EPHA6: variants seen among roughly 807,000 people sequenced by gnomAD.
The protein encoded by EPHA6 is EPH receptor A6.
In EPHA6, 50 loss-of-function variants were observed where a neutral mutation model predicts 112.0. The observed-to-expected ratio is 0.45, with a 90% confidence interval of 0.36 to 0.56. EPHA6 has a LOEUF of 0.56. EPHA6 is among the 20% of genes least tolerant of loss of function. The pLI, the probability that EPHA6 is intolerant of heterozygous loss-of-function variation, is 0.00. For synonymous variants in EPHA6, 529 were observed against 490.7 expected (o/e 1.08, Z -1.03); for missense variants, 1,280 against 1,417.4 (o/e 0.90, Z 1.56).
chr3:97,490,694 A>C (rs62262777), intron 10 of EPHA6, among the ~76,000 whole-genome samples: 7,199 of 152,284 alleles, frequency 0.047, 217 homozygotes, highest in Admixed American at 0.077. Flanking sequence ...TTTAGCCCTT[A>C]TATTTCTAGA....
At chr3:96,830,122 A>AT (rs1193601810) in intron 1 of EPHA6, among the ~76,000 whole-genome samples, 1 of 151,974 alleles carries the variant, frequency 6.6e-6, no homozygotes, top group Non-Finnish European at 1.5e-5. Context: ...GTACATTTTT[A>AT]TTTTTTCTAC....
chr3:97,110,320 C>T (rs966224009), intron 3 of EPHA6, among the ~76,000 whole-genome samples: 3 of 152,028 alleles, frequency 2.0e-5, no homozygotes, highest in Non-Finnish European at 4.4e-5. Context: ...GGTACCAGCC[C>T]AGAGTCGTAC....
At position 97,758,113 on chromosome 3, in the gene EPHA6, G is replaced by C. The variant is rs1462859935; in HGVS notation, c.*9412G>C. ...CTTCTCACTACTTACTGCTTATTCAGTTTGTAAAATCTTACCAAGTAGGAT... is the reference window on the plus strand; with the variant it reads ...CTTCTCACTACTTACTGCTTATTCACTTTGTAAAATCTTACCAAGTAGGAT... On this transcript the variant is annotated 3_prime_UTR_variant, in exon 18 of 18. Transcript: ENST00000389672. 2.6e-5 allele frequency among the ~76,000 whole-genome samples: 4 copies of C among 151,828 alleles called. No homozygotes were observed. The highest frequency in any genetic ancestry group is 7.3e-5 in the African/African-American group (3 of 41,370).
intron 3 of EPHA6, chr3:96,994,175 T>C (rs1356518899): frequency 2.7e-6 from 1 of 373,920 alleles, no homozygotes; most frequent in African/African-American, 2.0e-5. Context: ...AGAAAGATTA[T>C]ATTAAGCATG....
chr3:96,924,611 T>A (rs1318905223), intron 2 of EPHA6, among the ~76,000 whole-genome samples: 2 of 152,046 alleles, frequency 1.3e-5, no homozygotes, highest in African/African-American at 4.8e-5. Context: ...CGACTTCCTC[T>A]CTGAATACCC....
At chr3:96,884,107 T>C (rs1310669264) in intron 2 of EPHA6, among the ~76,000 whole-genome samples, 1 of 152,206 alleles carries the variant, frequency 6.6e-6, no homozygotes, top group Admixed American at 6.5e-5. Flanking sequence ...TACTATGCTG[T>C]TTTGGTGACT....
At chr3:97,245,567 C>A (rs2078964788) in intron 5 of EPHA6, among the ~76,000 whole-genome samples, 2 of 151,874 alleles carry the variant, frequency 1.3e-5, no homozygotes, top group Non-Finnish European at 2.9e-5. Context: ...TGATAATACT[C>A]AGCAATAAAA....
chr3:97,054,230 G>A (rs1337263259), intron 3 of EPHA6, among the ~76,000 whole-genome samples: 1 of 151,700 alleles, frequency 6.6e-6, no homozygotes, highest in African/African-American at 2.4e-5. Context: ...TCCCTAAAAA[G>A]AGATAGTTTA....
At chr3:97,134,217 T>C (rs2075712841) in intron 3 of EPHA6, among the ~76,000 whole-genome samples, 1 of 152,126 alleles carries the variant, frequency 6.6e-6, no homozygotes, top group Admixed American at 6.6e-5. Context: ...ATAGCAACTC[T>C]TTCAATATAC....
intron 2 of EPHA6, among the ~76,000 whole-genome samples, chr3:96,896,894 C>T (rs2038300470): frequency 6.6e-6 from 1 of 152,200 alleles, no homozygotes; most frequent in Non-Finnish European, 1.5e-5. Flanking sequence ...TTAGAAACTT[C>T]TGCCCTTAAT....
At chr3:97,554,416 G>A (rs2093073042) in intron 11 of EPHA6, among the ~76,000 whole-genome samples, 1 of 151,990 alleles carries the variant, frequency 6.6e-6, no homozygotes, top group Non-Finnish European at 1.5e-5. Flanking sequence ...CAAGTTAGTT[G>A]CAATTTTTTT....
Position 97,597,279 on chromosome 3 carries a change from T to C in EPHA6, c.2512+4542T>C, listed in dbSNP as rs151070876. ...TGTATAATACCTCTTTTGACATTTT[T>C]ACCTGAGCTTCTCTCCATTCTATGA... is the stretch of plus-strand genomic sequence containing the variant. On this transcript the variant is annotated intron_variant, in intron 12 of 17. Transcript: ENST00000389672. 5.3e-3 allele frequency among the ~76,000 whole-genome samples: 807 copies of C among 152,266 alleles called. 10 individuals carry two copies. Among genetic ancestry groups the C allele is most frequent in the African/African-American group, 0.017 (719 of 41,564 alleles).
At chr3:96,949,245 C>T (rs567217212) in intron 2 of EPHA6, among the ~76,000 whole-genome samples, 99 of 152,026 alleles carry the variant, frequency 6.5e-4, no homozygotes, top group African/African-American at 2.3e-3. Flanking sequence ...CAAAATTTAA[C>T]TTAAATCTTA....
intron 3 of EPHA6, among the ~76,000 whole-genome samples, chr3:97,155,297 T>C (rs1273779095): frequency 2.0e-5 from 3 of 152,170 alleles, no homozygotes; most frequent in African/African-American, 7.2e-5. Context: ...GATTCTGTTC[T>C]TTTGCCGTAG....
At chr3:97,510,470 G>A (rs927678720) in intron 10 of EPHA6, among the ~76,000 whole-genome samples, 3 of 152,154 alleles carry the variant, frequency 2.0e-5, no homozygotes, top group African/African-American at 7.2e-5. Flanking sequence ...GCTGGGGTTT[G>A]CTGGAGGTCC....
At chr3:97,312,807 G>C (rs74639163) in intron 5 of EPHA6, among the ~76,000 whole-genome samples, 3,246 of 150,608 alleles carry the variant, frequency 0.022, 87 homozygotes, top group African/African-American at 0.067. Context: ...TCCTAACCTG[G>C]CATTTCTGAT....
chr3:97,359,661 A>G (rs992278967), intron 5 of EPHA6, among the ~76,000 whole-genome samples: 4 of 151,366 alleles, frequency 2.6e-5, no homozygotes, highest in Non-Finnish European at 4.4e-5. Context: ...ATATCTTATG[A>G]TTTTCTTGTT....
At chr3:97,232,278 C>G (rs1312016844) in intron 4 of EPHA6, among the ~76,000 whole-genome samples, 1 of 152,148 alleles carries the variant, frequency 6.6e-6, no homozygotes, top group Non-Finnish European at 1.5e-5. Context: ...GTGCTAAAAA[C>G]AGTAGCTTGC....
rs148776482 is a variant in EPHA6, at chr3:97,475,343, C to G, written c.1895-9C>G. ...CCAGGGAAATTTTAATATTGTATCT[C>G]TGTTTCAGCTTCTGACATGGCAGCA... On this transcript the variant is annotated splice_polypyrimidine_tract_variant and intron_variant, in intron 7 of 17. Coordinates refer to ENST00000389672, the MANE Select transcript of EPHA6 (RefSeq NM_001080448.3). 1.9e-5 allele frequency: 30 copies of G among 1,601,412 alleles called. No homozygotes were observed. Among genetic ancestry groups the G allele is most frequent in the Non-Finnish European group, 2.6e-5 (30 of 1,171,692 alleles).
Sources: allele counts gnomAD v4.1 joint callset (sites outside exome capture counted in the v4.1 genomes callset), GRCh38; gene constraint gnomAD v4.1.1; transcripts MANE v1.5; gene names NCBI Gene and HGNC (gene_info 2026-07-23, HGNC 2026-07-21).